The following HS3ST3A1 variants were observed in gnomAD, a reference collection of about 807,000 sequenced individuals.
HS3ST3A1 encodes heparan sulfate-glucosamine 3-sulfotransferase 3A1, also known as heparan sulfate glucosamine 3-O-sulfotransferase 3A1.
In HS3ST3A1, 19 loss-of-function variants were observed where a neutral mutation model predicts 25.7. The observed-to-expected ratio is 0.74, with a 90% CI of 0.52 to 1.08. The LOEUF is 1.08. HS3ST3A1 is among the 50% of genes least tolerant of loss of function. HS3ST3A1 has a pLI of 0.00. For synonymous variants in HS3ST3A1, 226 were observed against 278.6 expected (o/e 0.81, Z 1.88); for missense variants, 459 against 594.3 (o/e 0.77, Z 2.37).
intron 1 of HS3ST3A1, among the ~76,000 whole-genome samples, chr17:13,535,041 A>AAATAAATT (rs1299233639): frequency 6.6e-6 from 1 of 151,896 alleles, no homozygotes; most frequent in Non-Finnish European, 1.5e-5. Flanking sequence ...ATAAATAAAT[A>AAATAAATT]AATAAATAAA....
At chr17:13,552,118 C>T (rs1288196429) in intron 1 of HS3ST3A1, among the ~76,000 whole-genome samples, 9 of 152,086 alleles carry the variant, frequency 5.9e-5, no homozygotes, top group East Asian at 1.9e-4. Context: ...CTCGTTCTGT[C>T]GCCCAGGCTG....
intron 1 of HS3ST3A1, among the ~76,000 whole-genome samples, chr17:13,576,383 G>A (rs1013625407): frequency 2.0e-5 from 3 of 152,226 alleles, no homozygotes; most frequent in African/African-American, 7.2e-5. Flanking sequence ...TCCTTGCCAT[G>A]TGGGCCTCTC....
At chr17:13,501,698 G>C (rs1360609640) in intron 1 of HS3ST3A1, among the ~76,000 whole-genome samples, 3 of 152,190 alleles carry the variant, frequency 2.0e-5, no homozygotes, top group Non-Finnish European at 4.4e-5. Flanking sequence ...GGACTGTAAT[G>C]AAGTGTCAAC....
At chr17:13,574,934 A>G (rs1907913473) in intron 1 of HS3ST3A1, among the ~76,000 whole-genome samples, 1 of 152,100 alleles carries the variant, frequency 6.6e-6, no homozygotes, top group African/African-American at 2.4e-5. Flanking sequence ...AAGACAAAAT[A>G]TCCCCTATAG....
At chr17:13,562,651 T>C (rs1907578930) in intron 1 of HS3ST3A1, among the ~76,000 whole-genome samples, 1 of 151,830 alleles carries the variant, frequency 6.6e-6, no homozygotes, top group African/African-American at 2.4e-5. Flanking sequence ...TCCCCAACCC[T>C]GGCCAGGCAG....
chr17:13,583,776 C>T (rs112313615), intron 1 of HS3ST3A1, among the ~76,000 whole-genome samples: 126 of 152,308 alleles, frequency 8.3e-4, no homozygotes, highest in African/African-American at 2.8e-3. Flanking sequence ...CTTTTCTCTA[C>T]GAACCTCTAT....
intron 1 of HS3ST3A1, among the ~76,000 whole-genome samples, chr17:13,533,338 C>T (rs1344040103): frequency 6.6e-6 from 1 of 151,886 alleles, no homozygotes; most frequent in African/African-American, 2.4e-5. Flanking sequence ...TGTAGGTTAT[C>T]TCACTTTATC....
intron 1 of HS3ST3A1, among the ~76,000 whole-genome samples, chr17:13,582,815 T>C (rs913533032): frequency 2.6e-5 from 4 of 152,238 alleles, no homozygotes; most frequent in Non-Finnish European, 5.9e-5. Flanking sequence ...ACTTATTTTT[T>C]AGATAATGCT....
intron 1 of HS3ST3A1, among the ~76,000 whole-genome samples, chr17:13,586,763 G>C (rs1299203587): frequency 6.7e-6 from 1 of 148,528 alleles, no homozygotes; most frequent in Non-Finnish European, 1.5e-5. Context: ...CCAGCTACTG[G>C]GGAGGCTGAG....
At chr17:13,568,199 A>G (rs1380561063) in intron 1 of HS3ST3A1, among the ~76,000 whole-genome samples, 1 of 152,242 alleles carries the variant, frequency 6.6e-6, no homozygotes, top group African/African-American at 2.4e-5. Context: ...GATCATTAGT[A>G]CTTTGTTAGC....
chr17:13,494,940 G>A lies in HS3ST3A1; in HGVS notation c.*1257C>T, dbSNP rs1291874486. On this transcript the variant is annotated 3_prime_UTR_variant, in exon 2 of 2. Coordinates refer to ENST00000284110, the MANE Select transcript of HS3ST3A1 (RefSeq NM_006042.3). ...ATGGTATAAATAGGAAGTGGGAGGG[G>A]GGAATAAAGTGACAAAATGATAGTC... Among the ~76,000 whole-genome samples, 1 of 151,994 alleles carries A rather than the reference G, an allele frequency of 6.6e-6. No individual in the cohort carries two copies. Among genetic ancestry groups the A allele is most frequent in the Non-Finnish European group, 1.5e-5 (1 of 67,990 alleles).
intron 1 of HS3ST3A1, among the ~76,000 whole-genome samples, chr17:13,502,901 C>T (rs1192374221): frequency 2.7e-5 from 4 of 150,792 alleles, no homozygotes; most frequent in East Asian, 3.9e-4. Flanking sequence ...AAAAATAGGG[C>T]CAGGGGTGGT....
rs1034945133 is a variant in HS3ST3A1 at position 13,600,881 on chromosome 17, C to T, written c.249G>A (p.Ala83=). 45 of 1,472,920 alleles carry T rather than the reference C, an allele frequency of 3.1e-5. No homozygotes were observed. The highest frequency in any genetic ancestry group is 3.8e-5 in the Non-Finnish European group (42 of 1,119,702). The allele number at this position is 1,472,920 out of a possible 1,614,324, so 91.2% of individuals were successfully genotyped here. ...GCAGGAGGCGCTTTCTCTGTGCCGC[C>T]GCCGGCCACACCGCCAGCTCCCTCG... The part of the protein sequence containing the change: ...GGPRELAVWP[A]AAQRKRLLQL... Residue 83 remains alanine, a synonymous_variant, in exon 1 of 2, where the codon GCG becomes GCA. Transcript: ENST00000284110.
In HS3ST3A1 at chr17:13,585,865, TTTC is replaced by T. The variant is rs1373782779; in HGVS notation, c.599+14663_599+14665del. ...GTTTTTTTTTTTTTTTTTTTTTTTTTTTCTGACAGAGTCTCGCTCTGTCGCCCA... is the reference window on the plus strand; with the variant it reads ...GTTTTTTTTTTTTTTTTTTTTTTTTTTGACAGAGTCTCGCTCTGTCGCCCA... On this transcript the variant is annotated intron_variant, in intron 1 of 1. Transcript: ENST00000284110. 1.0e-3 allele frequency among the ~76,000 whole-genome samples: 148 copies of T among 144,562 alleles called. 19 individuals are homozygous for T. Among genetic ancestry groups the T allele is most frequent in the Middle Eastern group, 7.0e-3 (2 of 286 alleles). The allele number at this position is 144,562 out of a possible 152,430, so 94.8% of individuals were successfully genotyped here.
chr17:13,498,990 G>T (rs1284208486), intron 1 of HS3ST3A1, among the ~76,000 whole-genome samples: 4 of 150,744 alleles, frequency 2.7e-5, no homozygotes, highest in Non-Finnish European at 4.4e-5. Context: ...ATTTCAGTCA[G>T]TTTATCTTTA....
chr17:13,498,967 G>T (rs1182039938), intron 1 of HS3ST3A1, among the ~76,000 whole-genome samples: 1 of 151,664 alleles, frequency 6.6e-6, no homozygotes, highest in Non-Finnish European at 1.5e-5. Flanking sequence ...TGGGTGGGGG[G>T]TTTATTTTTG....
At chr17:13,503,859 A>C (rs972904455) in intron 1 of HS3ST3A1, among the ~76,000 whole-genome samples, 6 of 152,190 alleles carry the variant, frequency 3.9e-5, no homozygotes, top group South Asian at 2.1e-4. Context: ...GGCCAGGGCT[A>C]TACTCATGGA....
chr17:13,497,873 T>C (rs1023538555), intron 1 of HS3ST3A1, among the ~76,000 whole-genome samples: 1 of 152,266 alleles, frequency 6.6e-6, no homozygotes, highest in Non-Finnish European at 1.5e-5. Context: ...CTTTTGTTCA[T>C]GGAATTTGTG....
intron 1 of HS3ST3A1, among the ~76,000 whole-genome samples, chr17:13,551,106 T>A (rs946645126): frequency 7.0e-6 from 1 of 142,298 alleles, no homozygotes; most frequent in African/African-American, 2.6e-5. Flanking sequence ...AAAAAATCTA[T>A]AACGAGTAAA....
Sources: allele counts gnomAD v4.1 joint callset (sites outside exome capture counted in the v4.1 genomes callset), GRCh38; gene constraint gnomAD v4.1.1; transcripts MANE v1.5; gene names NCBI Gene and HGNC (gene_info 2026-07-23, HGNC 2026-07-21).